The following GRK3 variants were observed in gnomAD, a reference collection of about 807,000 sequenced individuals.
The protein encoded by GRK3 is G protein-coupled receptor kinase 3.
A neutral mutation model predicts 95.7 loss-of-function variants in GRK3; 54 were observed. The observed-to-expected ratio is 0.56, with a 90% CI of 0.45 to 0.71. The LOEUF (loss-of-function observed/expected upper bound fraction) is 0.71, where lower values mean the gene tolerates loss of function less well. GRK3 is among the 30% of genes least tolerant of loss of function. The pLI is 0.00. For synonymous variants in GRK3, 281 were observed against 290.8 expected (o/e 0.97, Z 0.34); for missense variants, 649 against 851.2 (o/e 0.76, Z 2.96).
At chr22:25,622,700 A>G (rs928770491) in intron 2 of GRK3, among the ~76,000 whole-genome samples, 1 of 152,280 alleles carries the variant, frequency 6.6e-6, no homozygotes, top group South Asian at 2.1e-4. Context: ...TCAGAGTGGG[A>G]GCATGGAAAC....
chr22:25,646,124 A>G (rs147510866), intron 3 of GRK3, among the ~76,000 whole-genome samples: 1 of 152,234 alleles, frequency 6.6e-6, no homozygotes, highest in East Asian at 1.9e-4. Flanking sequence ...TGCAGTAAAG[A>G]ATTATGAGAC....
intron 2 of GRK3, among the ~76,000 whole-genome samples, chr22:25,611,351 G>T (rs1213928612): frequency 6.6e-6 from 1 of 152,194 alleles, no homozygotes; most frequent in Non-Finnish European, 1.5e-5. Context: ...GAGTGGAATT[G>T]CTGGGTTGTA....
At chr22:25,714,319 TGATA>T (rs1393227497) in intron 17 of GRK3, 85 bp from the exon 18 acceptor site, 3 of 1,106,434 alleles carry the variant, frequency 2.7e-6, no homozygotes, top group Non-Finnish European at 3.9e-6. Flanking sequence ...TATAGAGTTA[TGATA>T]GAGTCACCAT....
intron 4 of GRK3, 88 bp from the exon 5 acceptor site, chr22:25,663,542 G>A (rs2084923036): frequency 1.3e-6 from 1 of 764,722 alleles, no homozygotes; most frequent in Non-Finnish European, 2.1e-6. Context: ...AGTAATTGCT[G>A]TGTTAAATTT....
At chr22:25,624,042 G>A (rs1318841388) in intron 2 of GRK3, among the ~76,000 whole-genome samples, 1 of 152,180 alleles carries the variant, frequency 6.6e-6, no homozygotes, top group African/African-American at 2.4e-5. Context: ...GCATTCCGAA[G>A]CTTTCCTAAG....
intron 1 of GRK3, among the ~76,000 whole-genome samples, chr22:25,567,288 T>C (rs1601439565): frequency 6.6e-6 from 1 of 152,196 alleles, no homozygotes; most frequent in African/African-American, 2.4e-5. Flanking sequence ...CTACTTATCT[T>C]AGTGGCTTTG....
At chr22:25,616,830 A>C (rs2084543024) in intron 2 of GRK3, among the ~76,000 whole-genome samples, 1 of 152,234 alleles carries the variant, frequency 6.6e-6, no homozygotes, top group Non-Finnish European at 1.5e-5. Context: ...TTGAGACTGT[A>C]GGGCGATGAT....
chr22:25,666,496 C>T (rs939365125), intron 5 of GRK3, among the ~76,000 whole-genome samples: 9 of 152,132 alleles, frequency 5.9e-5, no homozygotes, highest in African/African-American at 2.2e-4. Context: ...GGACAAAGTC[C>T]ATATGGTTTT....
chr22:25,722,583 G>C lies in GRK3; in HGVS notation c.*133G>C. The C allele has an allele frequency of 1.2e-6, 1 of 860,922 alleles. No individual in the cohort carries two copies. The highest frequency in any genetic ancestry group is 1.7e-6 in the Non-Finnish European group (1 of 572,828). 53.3% of individuals were successfully genotyped at this position (860,922 alleles called of 1,614,324 possible). ...CTCCCGAGAGGAGTCGGGACCCTTC[G>C]GCTTGGGGTCAGCTCAGCTCCCTGC... On this transcript the variant is annotated 3_prime_UTR_variant, in exon 21 of 21. Transcript: ENST00000324198.
At chr22:25,619,167 A>G (rs2084561830) in intron 2 of GRK3, among the ~76,000 whole-genome samples, 1 of 152,194 alleles carries the variant, frequency 6.6e-6, no homozygotes, top group South Asian at 2.1e-4. Context: ...CAACACAAAC[A>G]TGATGGTTGG....
intron 15 of GRK3, 43 bp downstream of exon 15, chr22:25,704,252 C>T (rs1409846183): frequency 1.4e-6 from 2 of 1,434,856 alleles, no homozygotes; most frequent in South Asian, 1.2e-5. Flanking sequence ...ACCAGAAGAG[C>T]AAAATAGTGA....
chr22:25,636,094 A>G (rs2084699009), intron 2 of GRK3, among the ~76,000 whole-genome samples: 1 of 152,104 alleles, frequency 6.6e-6, no homozygotes, highest in Non-Finnish European at 1.5e-5. Context: ...CCATCATCCT[A>G]CAAGTGCTTG....
intron 8 of GRK3, among the ~76,000 whole-genome samples, chr22:25,677,350 T>C (rs1374667312): frequency 8.2e-6 from 1 of 121,522 alleles, no homozygotes; most frequent in Non-Finnish European, 1.6e-5. Flanking sequence ...GACTCCAGCC[T>C]GGGCAACAGA....
chr22:25,682,817 T>G (rs1390556640), intron 9 of GRK3, among the ~76,000 whole-genome samples: 2 of 152,232 alleles, frequency 1.3e-5, no homozygotes, highest in Non-Finnish European at 2.9e-5. Context: ...AGAAATCTCT[T>G]TGTGCCTCTC....
intron 2 of GRK3, among the ~76,000 whole-genome samples, chr22:25,631,825 G>C (rs1569171567): frequency 6.6e-6 from 1 of 152,154 alleles, no homozygotes; most frequent in Admixed American, 6.5e-5. Context: ...TGTCTTATAA[G>C]TGGAATCACT....
At chr22:25,705,451 A>G (rs758795178) in intron 15 of GRK3, among the ~76,000 whole-genome samples, 1 of 152,232 alleles carries the variant, frequency 6.6e-6, no homozygotes, top group Non-Finnish European at 1.5e-5. Context: ...ATCAATCATA[A>G]TCAATCTTTG....
chr22:25,666,229 T>A (rs1260423533), intron 5 of GRK3, among the ~76,000 whole-genome samples: 1 of 152,216 alleles, frequency 6.6e-6, no homozygotes, highest in Admixed American at 6.5e-5. Flanking sequence ...AAAGTAGGGA[T>A]GTTTGATAAA....
At chr22:25,598,574 C>T (rs1234615364) in intron 1 of GRK3, among the ~76,000 whole-genome samples, 3 of 151,818 alleles carry the variant, frequency 2.0e-5, no homozygotes, top group Non-Finnish European at 4.4e-5. Flanking sequence ...ACTTGAGAGT[C>T]TGAGGTGAGA....
intron 13 of GRK3, among the ~76,000 whole-genome samples, chr22:25,699,998 G>A (rs765912252): frequency 1.4e-4 from 22 of 152,026 alleles, no homozygotes; most frequent in Non-Finnish European, 2.4e-4. Flanking sequence ...GCGCCCGGCC[G>A]CTCTGTTTTC....
Sources: gnomAD v4.1 joint callset for allele counts (sites outside exome capture counted in the v4.1 genomes callset) on GRCh38, gnomAD v4.1.1 for gene constraint, MANE v1.5 for transcripts, NCBI Gene and HGNC (gene_info 2026-07-23, HGNC 2026-07-21) for gene names.